The following SRGAP2C variants were observed in gnomAD, a reference collection of about 807,000 sequenced individuals.
SRGAP2C encodes the protein SLIT-ROBO Rho GTPase-activating protein 2C.
SRGAP2C carries 15 observed loss-of-function variants against 25.1 expected under a neutral mutation model. That is an observed-to-expected ratio of 0.60 (90% CI 0.40 to 0.92). The LOEUF is 0.92. Ranked by LOEUF, SRGAP2C falls within the 40% of genes least tolerant of loss-of-function variation. The probability of loss-of-function intolerance (pLI) is 0.00; values close to 1 mark genes in which losing one functional copy is unlikely to be tolerated. For synonymous variants in SRGAP2C, 44 were observed against 96.6 expected, an observed-to-expected ratio of 0.46 and a Z score of 3.19; for missense variants, 144 against 264.4, an observed-to-expected ratio of 0.54 and a Z score of 3.16.
intron 2 of SRGAP2C, among the ~76,000 whole-genome samples, chr1:121,265,960 T>C (rs1553334212): frequency 1.3e-5 from 2 of 151,806 alleles, no homozygotes; most frequent in Admixed American, 1.3e-4. Flanking sequence ...TTGTTGGTTT[T>C]TTTGTTTGTT....
At chr1:121,340,796 A>G (rs1371134788) in intron 4 of SRGAP2C, among the ~76,000 whole-genome samples, 2 of 149,970 alleles carry the variant, frequency 1.3e-5, no homozygotes, top group African/African-American at 2.5e-5. Flanking sequence ...GAGGATTTCC[A>G]TATTATCTGA....
intron 3 of SRGAP2C, among the ~76,000 whole-genome samples, chr1:121,287,693 C>T (rs1164930718): frequency 4.6e-5 from 7 of 152,190 alleles, no homozygotes; most frequent in Admixed American, 1.3e-4. Flanking sequence ...AATGAGGCCG[C>T]GGACCCTCGC....
intron 4 of SRGAP2C, among the ~76,000 whole-genome samples, chr1:121,359,959 C>T (rs587768839): frequency 8.0e-5 from 12 of 150,796 alleles, no homozygotes; most frequent in Admixed American, 2.6e-4. Flanking sequence ...CACCAATCAG[C>T]GCTCTGTGTC....
chr1:121,346,791 TAG>T (rs774807317), intron 4 of SRGAP2C, among the ~76,000 whole-genome samples: 36 of 151,786 alleles, frequency 2.4e-4, no homozygotes, highest in Non-Finnish European at 3.8e-4. Context: ...ATGGAAGGAA[TAG>T]TTACATGTCC....
At position 121,346,799 on chromosome 1, in the gene SRGAP2C, T is replaced by A. The variant is rs1369257640; in HGVS notation, c.424-18494T>A. 1.4e-4 allele frequency among the ~76,000 whole-genome samples: 21 copies of A among 151,644 alleles called. No homozygotes were observed. In the East Asian group the frequency reaches 3.6e-3, roughly 26 times the overall value. Reference sequence around the variant, plus strand: ...GCAGATGATGGAAGGAATAGTTACATGTCCCAGGCGGGAGGTCATGACAGT... The same window carrying A: ...GCAGATGATGGAAGGAATAGTTACAAGTCCCAGGCGGGAGGTCATGACAGT... On this transcript the variant is annotated intron_variant, in intron 4 of 9. Transcript: ENST00000367123.
intron 2 of SRGAP2C, among the ~76,000 whole-genome samples, chr1:121,241,168 G>T (rs1656117195): frequency 2.4e-5 from 1 of 41,136 alleles, no homozygotes; most frequent in Non-Finnish European, 4.3e-5. Flanking sequence ...GTGTCTAGTT[G>T]TTCTTGGTGT....
chr1:121,271,062 G>C (rs1300723539), intron 2 of SRGAP2C, among the ~76,000 whole-genome samples: 1 of 151,178 alleles, frequency 6.6e-6, no homozygotes, highest in African/African-American at 2.4e-5. Flanking sequence ...CTCCCAAAGT[G>C]CTGGGATTAT....
chr1:121,223,927 T>A (rs1457265938), intron 2 of SRGAP2C, among the ~76,000 whole-genome samples: 1 of 126,980 alleles, frequency 7.9e-6, no homozygotes, highest in East Asian at 2.4e-4. Flanking sequence ...TAATTAATAG[T>A]CTGGTCTAAA....
At chr1:121,278,054 C>T (rs1657147404) in intron 2 of SRGAP2C, among the ~76,000 whole-genome samples, 1 of 150,476 alleles carries the variant, frequency 6.6e-6, no homozygotes, top group Admixed American at 6.7e-5. Flanking sequence ...AAGCCTCCCA[C>T]CTCAGCCTCC....
chr1:121,265,054 G>A lies in SRGAP2C; in HGVS notation c.68-19749G>A, dbSNP rs587654419. Among the ~76,000 whole-genome samples the A allele has an allele frequency of 3.9e-3, 257 of 65,516 alleles. 1 individual carries two copies. The highest frequency in any genetic ancestry group is 0.016 in the African/African-American group (238 of 15,150). 43.0% of individuals were successfully genotyped at this position (65,516 alleles called of 152,430 possible). The stretch of plus-strand genomic sequence containing the variant: ...TCTACTAAAAATACAAAAATTAGCC[G>A]GGCATGGTGGCACACCATTGTAATT... On this transcript the variant is annotated intron_variant, in intron 2 of 9. Coordinates refer to ENST00000367123, the MANE Select transcript of SRGAP2C (RefSeq NM_001329984.2).
intron 2 of SRGAP2C, among the ~76,000 whole-genome samples, chr1:121,259,842 A>AATTTT (rs1656576789): frequency 7.9e-6 from 1 of 126,152 alleles, no homozygotes. Flanking sequence ...TTCTTCTTCT[A>AATTTT]CTTTTTTTTT....
intron 4 of SRGAP2C, among the ~76,000 whole-genome samples, chr1:121,355,026 ACT>A (rs1253809322): frequency 1.3e-5 from 1 of 77,130 alleles, no homozygotes; most frequent in South Asian, 6.2e-4. Context: ...ATAGAGCGAG[ACT>A]CTGTCTCAAA....
intron 3 of SRGAP2C, among the ~76,000 whole-genome samples, chr1:121,323,615 CAAAAAAA>C (rs1163708332): frequency 2.1e-4 from 6 of 28,156 alleles, no homozygotes; most frequent in African/African-American, 5.0e-4. Context: ...GACTTTGTCT[CAAAAAAA>C]AAAAAAAAAA....
At chr1:121,237,349 G>A (rs1473133506) in intron 2 of SRGAP2C, among the ~76,000 whole-genome samples, 14 of 151,852 alleles carry the variant, frequency 9.2e-5, no homozygotes, top group South Asian at 2.1e-4. Flanking sequence ...AATTAATCCC[G>A]GATCTAGCTG....
In SRGAP2C at chr1:121,275,876, T is replaced by TCTAC. The variant is rs587657780; in HGVS notation, c.68-8925_68-8922dup. On this transcript the variant is annotated intron_variant, in intron 2 of 9. Coordinates refer to ENST00000367123, the MANE Select transcript of SRGAP2C (RefSeq NM_001329984.2). Reference sequence around the variant, plus strand: ...TCTTTCTTTCATAGCTTTGGAATAATCTACCGCACAGGGCAGACAGTTTTG... The same window carrying TCTAC: ...TCTTTCTTTCATAGCTTTGGAATAATCTACCTACCGCACAGGGCAGACAGTTTTG... Among the ~76,000 whole-genome samples the TCTAC allele has an allele frequency of 7.2e-4, 84 of 116,094 alleles. 1 individual carries two copies. In the South Asian group the frequency reaches 0.023, roughly 32 times the overall value. The allele number at this position is 116,094 out of a possible 152,430, so 76.2% of individuals were successfully genotyped here.
At chr1:121,313,633 T>A (rs1658014746) in intron 3 of SRGAP2C, among the ~76,000 whole-genome samples, 1 of 123,202 alleles carries the variant, frequency 8.1e-6, no homozygotes, top group Non-Finnish European at 1.7e-5. Context: ...GGTGACAAAA[T>A]CTCTCAGCAT....
chr1:121,336,563 AATC>A (rs1658520345), intron 4 of SRGAP2C, among the ~76,000 whole-genome samples: 1 of 92,402 alleles, frequency 1.1e-5, no homozygotes, highest in Admixed American at 1.2e-4. Flanking sequence ...TCTTTTGAAT[AATC>A]TTTTAAATTT....
chr1:121,226,010 G>A (rs1235733080), intron 2 of SRGAP2C, among the ~76,000 whole-genome samples: 4 of 151,750 alleles, frequency 2.6e-5, no homozygotes, highest in Admixed American at 1.3e-4. Flanking sequence ...CGGCAAAACA[G>A]CATATCTTTA....
chr1:121,212,554 AG>A (rs587768888), intron 2 of SRGAP2C, among the ~76,000 whole-genome samples: 338 of 151,482 alleles, frequency 2.2e-3, no homozygotes, highest in Middle Eastern at 0.01. Context: ...TCTAAAGAAT[AG>A]TGTTGCTACT....
Sources: allele counts gnomAD v4.1 joint callset (sites outside exome capture counted in the v4.1 genomes callset), GRCh38; gene constraint gnomAD v4.1.1; transcripts MANE v1.5; gene names NCBI Gene and HGNC (gene_info 2026-07-23, HGNC 2026-07-21).